Variants in RBFOX1 observed in about 807,000 individuals in gnomAD.
RBFOX1 encodes the protein RNA binding fox-1 homolog 1.
A neutral mutation model predicts 57.7 loss-of-function variants in RBFOX1; 8 were observed. The observed-to-expected ratio is 0.14, with a 90% confidence interval of 0.08 to 0.25. The LOEUF (loss-of-function observed/expected upper bound fraction) is 0.25. RBFOX1 is among the 10% of genes least tolerant of loss of function. RBFOX1 has a pLI of 1.00. For synonymous variants in RBFOX1, 326 were observed against 222.4 expected, an observed-to-expected ratio of 1.47 and a Z score of -4.15; for missense variants, 611 against 548.5, an observed-to-expected ratio of 1.11 and a Z score of -1.14.
chr16:5,602,663 T>C (rs2047404734), downstream of RBFOX1, among the ~76,000 whole-genome samples: 1 of 152,256 alleles, frequency 6.6e-6, no homozygotes, highest in Admixed American at 6.5e-5. Flanking sequence ...TACTGGTTTT[T>C]GCATTTTCCT....
At chr16:5,876,139 G>A (rs147256092) in intron 4 of RBFOX1, among the ~76,000 whole-genome samples, 203 of 152,112 alleles carry the variant, frequency 1.3e-3, no homozygotes, top group African/African-American at 3.4e-3. Context: ...CACCGCGCCC[G>A]GCCTATCCCA....
intron 3 of RBFOX1, among the ~76,000 whole-genome samples, chr16:6,862,299 T>G (rs2059159722): frequency 6.6e-6 from 1 of 152,170 alleles, no homozygotes; most frequent in African/African-American, 2.4e-5. Context: ...GAGTGGAGAC[T>G]GTTTGCCTTG....
chr16:7,148,641 G>T (rs1270160222), intron 4 of RBFOX1, among the ~76,000 whole-genome samples: 1 of 152,180 alleles, frequency 6.6e-6, no homozygotes, highest in African/African-American at 2.4e-5. Context: ...ATAAATTCCA[G>T]TTGTGTAGTT....
intron 3 of RBFOX1, among the ~76,000 whole-genome samples, chr16:7,041,971 G>A (rs772573221): frequency 5.3e-5 from 8 of 152,102 alleles, no homozygotes; most frequent in Admixed American, 6.5e-5. Context: ...TATGGCTAAC[G>A]TTACTTAGGA....
chr16:6,220,740 A>G (rs1253500812), intron 1 of RBFOX1, among the ~76,000 whole-genome samples: 3 of 151,364 alleles, frequency 2.0e-5, no homozygotes, highest in African/African-American at 7.3e-5. Flanking sequence ...CCAGTGGAAA[A>G]TAATGAAGAA....
chr16:6,315,157 T>C (rs2080914878), intron 1 of RBFOX1, among the ~76,000 whole-genome samples: 1 of 152,278 alleles, frequency 6.6e-6, no homozygotes, highest in African/African-American at 2.4e-5. Flanking sequence ...AGGCAGGTAC[T>C]GTTTATTCCC....
At chr16:6,785,042 C>T (rs1567233497) in intron 3 of RBFOX1, among the ~76,000 whole-genome samples, 1 of 152,028 alleles carries the variant, frequency 6.6e-6, no homozygotes, top group Non-Finnish European at 1.5e-5. Context: ...AAAAAATAGG[C>T]ATTTAACATA....
At chr16:5,896,820 G>C (rs75422835) in intron 4 of RBFOX1, among the ~76,000 whole-genome samples, 11,889 of 152,040 alleles carry the variant, frequency 0.078, 628 homozygotes, top group African/African-American at 0.14. Flanking sequence ...GCAAGTAACA[G>C]AGATCTGGTG....
Position 6,191,064 on chromosome 16 carries a change from T to TC in RBFOX1, c.-126-125930dup, listed in dbSNP as rs2097138556. Among the ~76,000 whole-genome samples the TC allele has an allele frequency of 2.0e-5, 3 of 151,864 alleles. No homozygotes were observed. In the South Asian group the frequency reaches 6.2e-4, roughly 32 times the overall value. On this transcript the variant is annotated intron_variant, in intron 1 of 15. Transcript: ENST00000550418. ...CTGTGTGGTTCCTCTTTGCTTTCTGTCATTAATCAGTCCTGAAGCATCTTC... is the reference window on the plus strand; with the variant it reads ...CTGTGTGGTTCCTCTTTGCTTTCTGTCCATTAATCAGTCCTGAAGCATCTTC...
chr16:6,279,187 G>A (rs931554272), intron 1 of RBFOX1, among the ~76,000 whole-genome samples: 1 of 152,050 alleles, frequency 6.6e-6, no homozygotes, highest in Non-Finnish European at 1.5e-5. Context: ...ATGTATTAAG[G>A]TACTTGAGTG....
intron 2 of RBFOX1, among the ~76,000 whole-genome samples, chr16:5,580,119 C>T (rs909004524): frequency 6.6e-6 from 1 of 152,158 alleles, no homozygotes; most frequent in African/African-American, 2.4e-5. Context: ...AGCTTGTAAG[C>T]CCCAAGAGGG....
chr16:6,010,938 A>G (rs778331855), intron 4 of RBFOX1, among the ~76,000 whole-genome samples: 121 of 152,190 alleles, frequency 8.0e-4, no homozygotes, highest in Non-Finnish European at 9.1e-4. Flanking sequence ...AGAAATGTAA[A>G]TTATGTGACT....
intron 3 of RBFOX1, among the ~76,000 whole-genome samples, chr16:6,818,709 C>G (rs1056033126): frequency 6.6e-6 from 1 of 152,128 alleles, no homozygotes; most frequent in Non-Finnish European, 1.5e-5. Context: ...GTCCTCTCTT[C>G]CACCCTCAGT....
At chr16:5,309,295 T>C (rs925431855) in intron 1 of RBFOX1, among the ~76,000 whole-genome samples, 2 of 152,180 alleles carry the variant, frequency 1.3e-5, no homozygotes, top group Non-Finnish European at 2.9e-5. Flanking sequence ...CTATCTCTCT[T>C]TCTCTCTGTA....
intron 3 of RBFOX1, among the ~76,000 whole-genome samples, chr16:6,931,781 G>T (rs1437034491): frequency 6.6e-6 from 1 of 152,066 alleles, no homozygotes; most frequent in Non-Finnish European, 1.5e-5. Context: ...CCACAAACTG[G>T]GTAATTTATA....
At position 7,711,325 on chromosome 16, in the gene RBFOX1, G is replaced by A. The variant is rs914915254; in HGVS notation, c.*580G>A. ...TTACTCATTGCCAGTTCAAGCCAAA[G>A]GTCATGTTGTTAAGGGGGTGCTTCT... On this transcript the variant is annotated 3_prime_UTR_variant, in exon 16 of 16. Transcript: ENST00000550418. 10 of 152,506 alleles carry A rather than the reference G, an allele frequency of 6.6e-5. No homozygotes were observed. Among genetic ancestry groups the A allele is most frequent in the African/African-American group, 2.4e-4 (10 of 41,406 alleles). The allele number at this position is 152,506 out of a possible 1,614,324, so 9.4% of individuals were successfully genotyped here.
intron 4 of RBFOX1, among the ~76,000 whole-genome samples, chr16:7,229,720 GGAAGCAAGGGAGGGAGGGGGAA>G (rs1218004797): frequency 3.0e-5 from 4 of 132,012 alleles, no homozygotes; most frequent in Non-Finnish European, 3.3e-5. Flanking sequence ...GGGAGAGAGA[GGAAGCAAGGGAGGGAGGGGGAA>G]GAAGGAAGGG....
intron 2 of RBFOX1, among the ~76,000 whole-genome samples, chr16:6,635,298 C>T (rs1426456703): frequency 1.3e-5 from 2 of 151,822 alleles, no homozygotes; most frequent in African/African-American, 4.8e-5. Flanking sequence ...AACCTTGTCT[C>T]TGAGTAGCTG....
chr16:6,040,982 T>C (rs2095430248), intron 1 of RBFOX1, among the ~76,000 whole-genome samples: 1 of 152,208 alleles, frequency 6.6e-6, no homozygotes, highest in Admixed American at 6.5e-5. Context: ...GTTGGGTTGC[T>C]TCCGTGTTTT....
Sources: allele counts gnomAD v4.1 joint callset (sites outside exome capture counted in the v4.1 genomes callset), GRCh38; gene constraint gnomAD v4.1.1; transcripts MANE v1.5; gene names NCBI Gene and HGNC (gene_info 2026-07-23, HGNC 2026-07-21).